The following MAPK8IP2 variants were observed in gnomAD, a reference collection of about 807,000 sequenced individuals.
MAPK8IP2 encodes the protein mitogen-activated protein kinase 8 interacting protein 2.
Under a neutral mutation model 75.6 loss-of-function variants are expected in MAPK8IP2, and 15 were observed. That is an observed-to-expected ratio of 0.20 (90% confidence interval 0.13 to 0.31). The LOEUF (loss-of-function observed/expected upper bound fraction) is 0.31, where lower values mean the gene tolerates loss of function less well. Among genes scored for constraint, MAPK8IP2 ranks in the 10% least tolerant of loss-of-function variants. The pLI, the probability that MAPK8IP2 is intolerant of heterozygous loss-of-function variation, is 1.00. For missense variants in MAPK8IP2, 1,089 were observed against 1,211.2 expected (o/e 0.90, Z 1.50); for synonymous variants, 632 against 554.5 (o/e 1.14, Z -1.96).
rs1396020338 is a variant in MAPK8IP2, at chr22:50,601,874, G to A, written c.151G>A (p.Asp51Asn). The A allele has an allele frequency of 1.9e-6, 3 of 1,613,702 alleles. No individual in the cohort carries two copies. In the South Asian group the frequency reaches 3.3e-5, roughly 18 times the overall value. The change falls in exon 2 of 12, where the codon GAC (aspartate) becomes AAC (asparagine). Residue 51 changes from aspartate (D) to asparagine (N), a missense_variant. Asp to Asn is a conservative substitution (Grantham distance 23). Coordinates refer to ENST00000329492, the MANE Select transcript of MAPK8IP2 (RefSeq NM_012324.6). ...TGACTGTGGCCTGGGCCTCAGCTACGACTCAGACCACTGTGAGAAGGTGGG... is the reference window on the plus strand; with the variant it reads ...TGACTGTGGCCTGGGCCTCAGCTACAACTCAGACCACTGTGAGAAGGTGGG... ...TDDCGLGLSY[D>N]SDHCEKDSLS...
At position 50,603,266 on chromosome 22, in the gene MAPK8IP2, G is replaced by C. The variant is rs1305744940; in HGVS notation, c.215G>C (p.Cys72Ser). 4.4e-6 allele frequency: 7 copies of C among 1,599,014 alleles called. No individual in the cohort carries two copies. The highest frequency in any genetic ancestry group is 6.0e-6 in the Non-Finnish European group (7 of 1,174,330). The change falls in exon 3 of 12, where the codon TGC becomes TCC. Residue 72 changes from cysteine (C) to serine (S), a missense_variant. Physicochemically the swap from Cys to Ser is moderately radical, Grantham distance 112. Coordinates refer to ENST00000329492, the MANE Select transcript of MAPK8IP2 (RefSeq NM_012324.6). Reference sequence around the variant, plus strand: ...CGCTCGGAGCAGCCGCACCCCATCTGCTCCTTCCAGGATGACTTCCAGGAG... The same window carrying C: ...CGCTCGGAGCAGCCGCACCCCATCTCCTCCTTCCAGGATGACTTCCAGGAG... Reference protein sequence around the residue: ...LGRSEQPHPICSFQDDFQEFE... With the variant: ...LGRSEQPHPISSFQDDFQEFE...
At position 50,603,478 on chromosome 22, in the gene MAPK8IP2, C is replaced by G; in HGVS notation, c.427C>G (p.Leu143Val). The G allele has an allele frequency of 1.3e-6, 2 of 1,563,528 alleles. No individual in the cohort carries two copies. Among genetic ancestry groups the G allele is most frequent in the Non-Finnish European group, 1.7e-6 (2 of 1,151,334 alleles). The change falls in exon 3 of 12, where the codon CTG (leucine) becomes GTG (valine). Residue 143 changes from leucine (L) to valine (V), a missense_variant. Physicochemically the swap from Leu to Val is conservative, Grantham distance 32 (BLOSUM62 1). Transcript: ENST00000329492. ...CAAGCACCGGCCCACCACCCTCCGT[C>G]TGACCACACTGGGGGCCCAGGTGAG... ...PHKHRPTTLR[L>V]TTLGAQDSLN...
chr22:50,601,602 T>G, intron 1 of MAPK8IP2, 187 bp from the exon 2 acceptor site: 2 of 569,650 alleles, frequency 3.5e-6, no homozygotes, highest in Non-Finnish European at 3.2e-6. Flanking sequence ...CTGGCTCAGA[T>G]GGGGGAGGGG....
rs1215693106 is a variant in MAPK8IP2, at chr22:50,604,812, G to T, written c.1513G>T (p.Val505Leu). Residue 505 changes from valine to leucine, a missense_variant, in exon 5 of 12, where the codon GTG becomes TTG. Val to Leu is a conservative substitution (Grantham distance 32, BLOSUM62 1). Around this residue, in one of 2 missense-constraint regions of MAPK8IP2, gnomAD observed 960 missense variants for 1,009.6 expected, o/e 0.95. Transcript: ENST00000329492. ...CTCGGCGCCGCGGGACGCGTCGCTG[G>T]TGTACGACGCGGTCAAGTACACGCT... Reference protein sequence around the residue: ...GPSAPRDASLVYDAVKYTLVV... With the variant: ...GPSAPRDASLLYDAVKYTLVV... 3 of 1,557,538 alleles carry T rather than the reference G, an allele frequency of 1.9e-6. No individual in the cohort carries two copies. The highest frequency in any genetic ancestry group is 2.3e-5 in the South Asian group (2 of 85,386).
At chr22:50,600,992 G>T (rs1398335042) in intron 1 of MAPK8IP2, 109 bp downstream of exon 1, 1 of 248,492 alleles carries the variant, frequency 4.0e-6, no homozygotes, top group Non-Finnish European at 6.4e-6. Context: ...CGCCGCCGGC[G>T]CGGACCCGGC....
Position 50,604,781 on chromosome 22 carries a change from G to T in MAPK8IP2, c.1482G>T (p.Thr494=). The T allele has an allele frequency of 1.9e-6, 3 of 1,545,902 alleles. No homozygotes were observed. Among genetic ancestry groups the T allele is most frequent in the Non-Finnish European group, 2.6e-6 (3 of 1,146,240 alleles). ...CGGGGTCCCCCGGGGGCAGGGGCAC[G>T]GGCCCCTCGGCGCCGCGGGACGCGT... ...DSAGSPGGRG[T]GPSAPRDASL... is the part of the protein sequence containing the mutation. The change falls in exon 5 of 12, where the codon ACG becomes ACT. Residue 494 remains threonine (T), a synonymous_variant. Transcript: ENST00000329492.
chr22:50,610,218 C>T lies in MAPK8IP2; in HGVS notation c.2310C>T (p.Phe770=), dbSNP rs752330110. The change falls in exon 11 of 12, where the codon TTC becomes TTT. Residue 770 remains phenylalanine, a synonymous_variant. Coordinates refer to ENST00000329492, the MANE Select transcript of MAPK8IP2 (RefSeq NM_012324.6). This position sits in a 1 kb window ranked among gnomAD's most constrained non-coding sequence, Gnocchi z 4.3. ...CACACTGACTTGCCCGCAGCTATTT[C>T]GGCTTCATCACCAAACACCCCCTGC... The part of the protein sequence containing the change: ...CGCHPRNSCY[F]GFITKHPLLS... 8.1e-6 allele frequency: 13 copies of T among 1,600,560 alleles called. No individual in the cohort carries two copies. Among genetic ancestry groups the T allele is most frequent in the South Asian group, 2.3e-5 (2 of 88,692 alleles).
intron 10 of MAPK8IP2, among the ~76,000 whole-genome samples, chr22:50,608,147 G>A (rs1330246418): frequency 1.3e-5 from 2 of 152,204 alleles, no homozygotes; most frequent in African/African-American, 4.8e-5. Context: ...CCCTGTGGTC[G>A]AGAGTGAGGG....
In MAPK8IP2 at chr22:50,612,310, C is replaced by T. The variant is rs536684992; in HGVS notation, c.*1531C>T. On this transcript the variant is annotated 3_prime_UTR_variant, in exon 12 of 12. Coordinates refer to ENST00000329492, the MANE Select transcript of MAPK8IP2 (RefSeq NM_012324.6). ...GCAGATGCCCGGCAATGTTCCCTCC[C>T]AGGCCCTCCTGGGTGAGCCCGCCTC... 3.3e-5 allele frequency: 5 copies of T among 152,198 alleles called. No homozygotes were observed. Among genetic ancestry groups the T allele is most frequent in the African/African-American group, 1.2e-4 (5 of 41,430 alleles). 9.4% of individuals were successfully genotyped at this position (152,198 alleles called of 1,614,324 possible). A position where few individuals can be genotyped will look rare whatever the true frequency, so the allele number is the denominator to read the frequency against.
intron 10 of MAPK8IP2, among the ~76,000 whole-genome samples, chr22:50,609,309 C>G (rs2071105891): frequency 6.6e-6 from 1 of 152,132 alleles, no homozygotes; most frequent in South Asian, 2.1e-4. Context: ...AGCTCCTGAA[C>G]CTCTGTGCCT....
At chr22:50,609,937 A>G in intron 10 of MAPK8IP2, 1 of 631,234 alleles carries the variant, frequency 1.6e-6, no homozygotes, top group Non-Finnish European at 3.0e-6. Flanking sequence ...AGGGCCACAG[A>G]GGGTAGCAGC....
intron 8 of MAPK8IP2, 93 bp downstream of exon 8, chr22:50,606,027 C>G (rs1210410872): frequency 1.9e-6 from 2 of 1,046,672 alleles, no homozygotes; most frequent in Non-Finnish European, 2.8e-6. Context: ...GCTCCAAGGT[C>G]TGAGGTCTGA....
At chr22:50,601,458 AGCTCCCCCTCCC>A in intron 1 of MAPK8IP2, 1 of 257,504 alleles carries the variant, frequency 3.9e-6, no homozygotes, top group South Asian at 6.4e-5. Context: ...GCCGCGTTGC[AGCTCCCCCTCCC>A]CTGCTCTGCA....
chr22:50,609,169 G>A (rs138566678), intron 10 of MAPK8IP2, among the ~76,000 whole-genome samples: 1 of 152,180 alleles, frequency 6.6e-6, no homozygotes, highest in Non-Finnish European at 1.5e-5. Context: ...TTTCTTCATG[G>A]CGGTGGTGGT....
intron 2 of MAPK8IP2, among the ~76,000 whole-genome samples, chr22:50,602,342 T>C (rs895256094): frequency 1.3e-5 from 2 of 152,244 alleles, no homozygotes; most frequent in African/African-American, 4.8e-5. Flanking sequence ...TCCCTGTCTC[T>C]CCACATTTCT....
chr22:50,605,535 C>A, intron 6 of MAPK8IP2, 27 bp from the exon 7 acceptor site: 1 of 1,027,806 alleles, frequency 9.7e-7, no homozygotes, highest in Non-Finnish European at 1.4e-6. Flanking sequence ...CCGCCCCCCT[C>A]CCCAGTGACC....
chr22:50,605,057 G>A lies in MAPK8IP2; in HGVS notation c.1758G>A (p.Arg586=). 1 of 1,612,454 alleles carries A rather than the reference G, an allele frequency of 6.2e-7. No individual in the cohort carries two copies. Among genetic ancestry groups the A allele is most frequent in the Non-Finnish European group, 8.5e-7 (1 of 1,179,808 alleles). Residue 586 remains arginine, a synonymous_variant, in exon 5 of 12, where the codon CGG becomes CGA. Transcript: ENST00000329492. Reference sequence around the variant, plus strand: ...ATGTCTTCGTCAACAGCACATCTCGGTCCTCCAGTGAGTGAGAGGTGGGGA... The same window carrying A: ...ATGTCTTCGTCAACAGCACATCTCGATCCTCCAGTGAGTGAGAGGTGGGGA... ...FLNVFVNSTS[R]SSSTESFGLF...
At chr22:50,601,522 G>C (rs1325152353) in intron 1 of MAPK8IP2, 1 of 432,478 alleles carries the variant, frequency 2.3e-6, no homozygotes, top group East Asian at 4.1e-5. Flanking sequence ...GTGGAGGGAG[G>C]AGAGGCTGCT....
chr22:50,605,040 G>C lies in MAPK8IP2; in HGVS notation c.1741G>C (p.Val581Leu). The C allele has an allele frequency of 3.7e-6, 6 of 1,612,590 alleles. No homozygotes were observed. Among genetic ancestry groups the C allele is most frequent in the Non-Finnish European group, 5.1e-6 (6 of 1,179,860 alleles). Residue 581 changes from valine (V) to leucine (L), a missense_variant, in exon 5 of 12, where the codon GTC (valine) becomes CTC (leucine). Physicochemically the swap from Val to Leu is conservative, Grantham distance 32. Around this residue, in one of 2 missense-constraint regions of MAPK8IP2, gnomAD observed 960 missense variants for 1,009.6 expected, o/e 0.95. Transcript: ENST00000329492. ...TFSKKFLNVFVNSTSRSSSTE... is the reference protein window; with the variant it reads ...TFSKKFLNVFLNSTSRSSSTE... ...CTCCAAGAAGTTCCTCAATGTCTTC[G>C]TCAACAGCACATCTCGGTCCTCCAG...
Sources: gnomAD v4.1 joint callset for allele counts (sites outside exome capture counted in the v4.1 genomes callset) on GRCh38, gnomAD v4.1.1 for gene constraint, gnomAD v4.1.1 regional missense constraint, Gnocchi (gnomAD v3.1) non-coding constraint, MANE v1.5 for transcripts, NCBI Gene and HGNC (gene_info 2026-07-23, HGNC 2026-07-21) for gene names.